The following ATOSA variants were observed in gnomAD, a reference collection of about 807,000 sequenced individuals.
ATOSA encodes atos homolog protein A.
At chr15:52,609,042 C>G in the ATOSA span, 2 of 1,613,258 alleles carry the variant, frequency 1.2e-6, no homozygotes, top group Non-Finnish European at 1.7e-6. Context: ...ATCTGCTTGT[C>G]AAATCTAAGT....
At chr15:52,682,547 G>A in the ATOSA span, among the ~76,000 whole-genome samples, 2 of 152,054 alleles carry the variant, frequency 1.3e-5, no homozygotes, top group Non-Finnish European at 2.9e-5. Flanking sequence ...GTAAATGAGT[G>A]AAAAATGTTA....
chr15:52,604,005 G>A, the ATOSA span, among the ~76,000 whole-genome samples: 1 of 152,168 alleles, frequency 6.6e-6, no homozygotes, highest in Non-Finnish European at 1.5e-5. Context: ...ACAAAGAAAT[G>A]ATAAAGCCTT....
At chr15:52,682,220 A>G in the ATOSA span, among the ~76,000 whole-genome samples, 2 of 152,062 alleles carry the variant, frequency 1.3e-5, no homozygotes, top group South Asian at 2.1e-4. Flanking sequence ...GGCAATGTAT[A>G]TATTATATGT....
At chr15:52,673,287 G>T in the ATOSA span, among the ~76,000 whole-genome samples, 1 of 152,184 alleles carries the variant, frequency 6.6e-6, no homozygotes, top group Non-Finnish European at 1.5e-5. Flanking sequence ...CCAAATACCT[G>T]TTTGGAGTTT....
chr15:52,613,650 A>C, the ATOSA span: 1 of 1,607,974 alleles, frequency 6.2e-7, no homozygotes, highest in East Asian at 2.2e-5. Context: ...AAAGATACAA[A>C]GCATTCAACA....
At chr15:52,650,952 G>C in the ATOSA span, among the ~76,000 whole-genome samples, 27 of 152,124 alleles carry the variant, frequency 1.8e-4, no homozygotes, top group African/African-American at 6.5e-4. Context: ...GATACAAAAA[G>C]ACCTTTTGTT....
chr15:52,690,844 A>G, the ATOSA span, among the ~76,000 whole-genome samples: 1 of 152,256 alleles, frequency 6.6e-6, no homozygotes, highest in Non-Finnish European at 1.5e-5. Flanking sequence ...GACTGAAAAT[A>G]AAGATACAGG....
the ATOSA span, chr15:52,679,338 T>A: frequency 1.3e-5 from 2 of 153,916 alleles, no homozygotes; most frequent in South Asian, 4.1e-4. Flanking sequence ...CGGCTCCCCG[T>A]CCCCCTCGCT....
chr15:52,589,149 T>C, the ATOSA span, among the ~76,000 whole-genome samples: 87 of 152,272 alleles, frequency 5.7e-4, no homozygotes, highest in Middle Eastern at 3.4e-3. Flanking sequence ...AAAAAGCACA[T>C]CAACAAACTG....
the ATOSA span, among the ~76,000 whole-genome samples, chr15:52,615,475 C>T: frequency 6.6e-6 from 1 of 152,100 alleles, no homozygotes; most frequent in Non-Finnish European, 1.5e-5. Flanking sequence ...GAGTCGTATG[C>T]ACATAGTTCC....
At chr15:52,596,527 A>G in the ATOSA span, among the ~76,000 whole-genome samples, 1 of 152,222 alleles carries the variant, frequency 6.6e-6, no homozygotes, top group East Asian at 1.9e-4. Context: ...AGCTAATACA[A>G]ACTTTCAGAA....
At chr15:52,627,409 A>G in the ATOSA span, among the ~76,000 whole-genome samples, 2 of 152,210 alleles carry the variant, frequency 1.3e-5, no homozygotes, top group Non-Finnish European at 2.9e-5. Flanking sequence ...AGGTCTAAAT[A>G]TTCATCATTT....
At chr15:52,678,272 C>T in the ATOSA span, 2 of 602,286 alleles carry the variant, frequency 3.3e-6, no homozygotes, top group Non-Finnish European at 5.9e-6. Context: ...TCTGCACCGC[C>T]TCCCCCATCT....
chr15:52,619,923 C>G, the ATOSA span, among the ~76,000 whole-genome samples: 2 of 151,990 alleles, frequency 1.3e-5, no homozygotes, highest in Non-Finnish European at 2.9e-5. Context: ...TAAATTTTCA[C>G]AGGCTATGAA....
At chr15:52,651,985 T>A in the ATOSA span, 1 of 1,530,394 alleles carries the variant, frequency 6.5e-7, no homozygotes, top group Non-Finnish European at 8.7e-7. Flanking sequence ...TCCAGATGTC[T>A]GCAGCGGTTA....
chr15:52,605,136 G>A, the ATOSA span: 9 of 1,603,178 alleles, frequency 5.6e-6, no homozygotes, highest in Non-Finnish European at 6.0e-6. Context: ...TGCTTACAGG[G>A]CTTGAAAGAA....
the ATOSA span, among the ~76,000 whole-genome samples, chr15:52,653,379 G>A: frequency 6.6e-6 from 1 of 152,152 alleles, no homozygotes; most frequent in Admixed American, 6.6e-5. Context: ...TAGTACAGAA[G>A]AAATACAACC....
chr15:52,619,288 C>T, the ATOSA span, among the ~76,000 whole-genome samples: 4 of 152,072 alleles, frequency 2.6e-5, no homozygotes, highest in Admixed American at 1.3e-4. Flanking sequence ...AAAGTTACAT[C>T]ATTAAAATTT....
chr15:52,701,375 G>T, the ATOSA span, among the ~76,000 whole-genome samples: 18 of 152,212 alleles, frequency 1.2e-4, no homozygotes, highest in African/African-American at 2.6e-4. Context: ...GGAGTTTGAG[G>T]TTGCAATGAG....
Sources: gnomAD v4.1 joint callset for allele counts (sites outside exome capture counted in the v4.1 genomes callset) on GRCh38, gnomAD v4.1.1 for gene constraint, MANE v1.5 for transcripts, NCBI Gene and HGNC (gene_info 2026-07-23, HGNC 2026-07-21) for gene names.